Variants in ELMO2 observed in about 807,000 individuals in gnomAD.
The protein encoded by ELMO2 is engulfment and cell motility 2, also known as engulfment and cell motility protein 2.
A neutral mutation model predicts 96.2 loss-of-function variants in ELMO2; 37 were observed. The observed-to-expected ratio is 0.38, with a 90% CI of 0.30 to 0.51. ELMO2 has a LOEUF of 0.51. Among genes scored for constraint, ELMO2 ranks in the 20% least tolerant of loss-of-function variants. The pLI is 0.88. For missense variants in ELMO2, 561 were observed against 912.6 expected (o/e 0.61, Z 4.96); for synonymous variants, 315 against 329.4 (o/e 0.96, Z 0.47).
intron 8 of ELMO2, 139 bp downstream of exon 8, chr20:46,387,199 G>C (rs779500850): frequency 4.5e-6 from 3 of 665,364 alleles, no homozygotes; most frequent in East Asian, 5.5e-5. Context: ...CAGAAGACTA[G>C]AGCTTGAGGA....
chr20:46,368,904 G>C lies in ELMO2; in HGVS notation c.1949C>G (p.Pro650Arg), dbSNP rs1016720830. 1.9e-6 allele frequency: 3 copies of C among 1,614,040 alleles called. No individual in the cohort carries two copies. Among genetic ancestry groups the C allele is most frequent in the Admixed American group, 1.7e-5 (1 of 59,994 alleles). ...DPDETLNFIA[P>R]NKYEYCIWID... ...CACACTGCTCACCTCATATTTATTA[G>C]GTGCGATGAAGTTTAAGGTCTCATC... is the stretch of plus-strand genomic sequence containing the variant. The change falls in exon 21 of 22, where the codon CCT (proline) becomes CGT (arginine). Residue 650 changes from proline (P) to arginine (R), a missense_variant. Coordinates refer to ENST00000290246, the MANE Select transcript of ELMO2 (RefSeq NM_133171.5).
At chr20:46,370,417 C>T (rs770899690) in intron 20 of ELMO2, 26 bp downstream of exon 20, 34 of 1,602,564 alleles carry the variant, frequency 2.1e-5, no homozygotes, top group African/African-American at 8.0e-5. Context: ...ACTGGGCCAG[C>T]TACTCAAACT....
At chr20:46,376,646 C>A in intron 11 of ELMO2, 2 of 1,289,640 alleles carry the variant, frequency 1.6e-6, no homozygotes, top group South Asian at 2.5e-5. Context: ...CTCACTCCCA[C>A]AATATCCTGC....
chr20:46,371,263 C>G lies in ELMO2; in HGVS notation c.1801+89G>C. The G allele has an allele frequency of 2.3e-6, 3 of 1,315,862 alleles. No homozygotes were observed. The highest frequency in any genetic ancestry group is 3.3e-6 in the Non-Finnish European group (3 of 922,738). 81.5% of individuals were successfully genotyped at this position (1,315,862 alleles called of 1,614,324 possible). A position where few individuals can be genotyped will look rare whatever the true frequency, so the allele number is the denominator to read the frequency against. On this transcript the variant is annotated intron_variant, in intron 19 of 21. Transcript: ENST00000290246. This position sits in a 1 kb window ranked among gnomAD's most constrained non-coding sequence, Gnocchi z 5.9. ...TCCAGAGAGGTAACAGGTACAAGCC[C>G]AGATGATCAGCTACAAACAGCTGGA...
At chr20:46,376,955 T>A in intron 11 of ELMO2, 1 of 475,838 alleles carries the variant, frequency 2.1e-6, no homozygotes, top group Non-Finnish European at 3.5e-6. Flanking sequence ...TCACCGTGGC[T>A]AGCGGCTACA....
chr20:46,389,115 C>T lies in ELMO2; in HGVS notation c.349G>A (p.Ala117Thr), dbSNP rs2060103865. Reference sequence around the variant, plus strand: ...CCATCCATGTTGATGAACTCAGTAGCGAAAGTCACGTCGGCAGAGAGCTTG... The same window carrying T: ...CCATCCATGTTGATGAACTCAGTAGTGAAAGTCACGTCGGCAGAGAGCTTG... Reference protein sequence around the residue: ...LAKLSADVTFATEFINMDGII... With the variant: ...LAKLSADVTFTTEFINMDGII... Residue 117 changes from alanine to threonine, a missense_variant, in exon 7 of 22, where the codon GCT becomes ACT. By Grantham distance (58) the Ala-to-Thr change is moderately conservative. Coordinates refer to ENST00000290246, the MANE Select transcript of ELMO2 (RefSeq NM_133171.5). 3 of 1,614,128 alleles carry T rather than the reference C, an allele frequency of 1.9e-6. No homozygotes were observed. The highest frequency in any genetic ancestry group is 2.5e-6 in the Non-Finnish European group (3 of 1,180,016).
chr20:46,375,879 TGGGAA>T lies in ELMO2; in HGVS notation c.808-94_808-90del, dbSNP rs1449166642. 1 of 1,548,190 alleles carries T rather than the reference TGGGAA, an allele frequency of 6.5e-7. No individual in the cohort carries two copies. Among genetic ancestry groups the T allele is most frequent in the African/African-American group, 1.4e-5 (1 of 73,504 alleles). On this transcript the variant is annotated intron_variant, in intron 11 of 21. Transcript: ENST00000290246. This position sits in a 1 kb window ranked among gnomAD's most constrained non-coding sequence, Gnocchi z 4.6. Reference sequence around the variant, plus strand: ...CATGCTAAGGAAAAGGAATGTATGTTGGGAAGGGAACAGAGCTTTCCTCCCACACA... The same window carrying T: ...CATGCTAAGGAAAAGGAATGTATGTTGGGAACAGAGCTTTCCTCCCACACA...
At chr20:46,381,922 T>G (rs1236623219) in intron 10 of ELMO2, among the ~76,000 whole-genome samples, 1 of 152,248 alleles carries the variant, frequency 6.6e-6, no homozygotes, top group Non-Finnish European at 1.5e-5. Context: ...ACGAGCTGTT[T>G]CTGAGTCTGG....
rs1382746539 is a variant in ELMO2, at chr20:46,375,529, T to C, written c.930+139A>G. ...GCAGGACAGAAATGGGCTTGGCTCA[T>C]GGTGCAGATCATGCTAGATTTTCTA... On this transcript the variant is annotated intron_variant, in intron 12 of 21. Transcript: ENST00000290246. The surrounding 1 kb of genome is among the most constrained non-coding windows in gnomAD (Gnocchi z 4.6). 1.3e-6 allele frequency: 2 copies of C among 1,492,506 alleles called. No homozygotes were observed. Among genetic ancestry groups the C allele is most frequent in the African/African-American group, 2.8e-5 (2 of 72,132 alleles). 92.5% of individuals were successfully genotyped at this position (1,492,506 alleles called of 1,614,324 possible).
At position 46,371,468 on chromosome 20, in the gene ELMO2, C is replaced by A; in HGVS notation, c.1694-9G>T. The A allele has an allele frequency of 6.2e-7, 1 of 1,614,172 alleles. No homozygotes were observed. The highest frequency in any genetic ancestry group is 8.5e-7 in the Non-Finnish European group (1 of 1,179,994). ...GCAGTACCAGAACCGTTCTGGAACA[C>A]AAGGGAAGCCAAACAGGTGAGCAAC... On this transcript the variant is annotated splice_polypyrimidine_tract_variant and intron_variant, in intron 18 of 21. Coordinates refer to ENST00000290246, the MANE Select transcript of ELMO2 (RefSeq NM_133171.5). The surrounding 1 kb of genome is among the most constrained non-coding windows in gnomAD (Gnocchi z 5.9).
chr20:46,405,348 G>A (rs2060413279), intron 1 of ELMO2, among the ~76,000 whole-genome samples: 1 of 152,170 alleles, frequency 6.6e-6, no homozygotes, highest in African/African-American at 2.4e-5. Context: ...TAAGCCAGGG[G>A]AGGAAGAGCA....
In ELMO2 at chr20:46,367,489, G is replaced by A; in HGVS notation, c.2034C>T (p.Asp678=). The A allele has an allele frequency of 6.2e-7, 1 of 1,613,752 alleles. No homozygotes were observed. The highest frequency in any genetic ancestry group is 8.5e-7 in the Non-Finnish European group (1 of 1,179,896). The part of the protein sequence containing the change: ...KDMSSELTKS[D]LDTLLSMEMK... ...TCTCCATGCTCAGCAGGGTGTCCAG[G>A]TCACTCTTGGTCAGCTCACTGGACA... The change falls in exon 22 of 22, where the codon GAC becomes GAT. Residue 678 remains aspartate (D), a synonymous_variant. Coordinates refer to ENST00000290246, the MANE Select transcript of ELMO2 (RefSeq NM_133171.5).
Position 46,374,518 on chromosome 20 carries a change from C to T in ELMO2, c.1170+18G>A, listed in dbSNP as rs756748287. On this transcript the variant is annotated intron_variant, in intron 14 of 21. Transcript: ENST00000290246. ...GATGTGGCACCAGGACTGAGAAGGCCAGCTCCCCTGCCTTTACCCGGATGT... is the reference window on the plus strand; with the variant it reads ...GATGTGGCACCAGGACTGAGAAGGCTAGCTCCCCTGCCTTTACCCGGATGT... The T allele has an allele frequency of 6.8e-6, 11 of 1,613,602 alleles. No individual in the cohort carries two copies. In the Admixed American group the frequency reaches 1.8e-4, roughly 27 times the overall value.
chr20:46,383,270 C>G, intron 10 of ELMO2, 146 bp downstream of exon 10: 1 of 834,130 alleles, frequency 1.2e-6, no homozygotes, highest in Non-Finnish European at 2.0e-6. Flanking sequence ...AGCAAAGCCA[C>G]CCTCCTGGGC....
intron 6 of ELMO2, chr20:46,390,702 G>C (rs576684817): frequency 1.5e-4 from 23 of 152,312 alleles, no homozygotes; most frequent in African/African-American, 5.5e-4. Flanking sequence ...TAGAAAGCAA[G>C]AGACTTAAGA....
intron 20 of ELMO2, 122 bp downstream of exon 20, chr20:46,370,321 C>T: frequency 2.2e-6 from 2 of 927,182 alleles, no homozygotes; most frequent in Non-Finnish European, 3.5e-6. Context: ...GTTCAAAATT[C>T]TTAATAAAAC....
At chr20:46,396,115 G>A (rs755150984) in intron 2 of ELMO2, among the ~76,000 whole-genome samples, 6 of 152,362 alleles carry the variant, frequency 3.9e-5, no homozygotes, top group South Asian at 4.1e-4. Context: ...GCAGCTCATG[G>A]CAGAATTTTT....
intron 19 of ELMO2, 138 bp from the exon 20 acceptor site, chr20:46,370,663 C>T: frequency 1.3e-6 from 1 of 784,032 alleles, no homozygotes; most frequent in Admixed American, 2.3e-5. Context: ...TGTATGAGCT[C>T]AGTGAGGGTG....
intron 15 of ELMO2, 95 bp from the exon 16 acceptor site, chr20:46,373,630 C>T (rs2059780799): frequency 2.0e-6 from 3 of 1,520,910 alleles, no homozygotes; most frequent in Non-Finnish European, 2.7e-6. Context: ...TCCCGAGGAA[C>T]AAAAGCAGCC....
Sources: allele counts gnomAD v4.1 joint callset (sites outside exome capture counted in the v4.1 genomes callset), GRCh38; gene constraint gnomAD v4.1.1; non-coding constraint Gnocchi (gnomAD v3.1); transcripts MANE v1.5; gene names NCBI Gene and HGNC (gene_info 2026-07-23, HGNC 2026-07-21).